Variants in TEAD4 observed in about 807,000 individuals in gnomAD.
TEAD4 encodes transcriptional enhancer factor TEF-3.
Under a neutral mutation model 52.4 loss-of-function variants are expected in TEAD4, and 36 were observed. The observed-to-expected ratio is 0.69, with a 90% CI of 0.53 to 0.91. The LOEUF (loss-of-function observed/expected upper bound fraction) is 0.91. TEAD4 is among the 40% of genes least tolerant of loss of function. The pLI is 0.00. For synonymous variants in TEAD4, 220 were observed against 231.0 expected (o/e 0.95, Z 0.43); for missense variants, 508 against 583.9 (o/e 0.87, Z 1.34).
intron 9 of TEAD4, 128 bp downstream of exon 9, chr12:3,020,901 T>A: frequency 9.6e-7 from 1 of 1,039,318 alleles, no homozygotes; most frequent in Non-Finnish European, 1.3e-6. Flanking sequence ...CGATCTTCCC[T>A]TCTGCCCTTC....
At chr12:3,019,294 C>T (rs1319065394) in intron 8 of TEAD4, 124 bp downstream of exon 8, 6 of 1,077,564 alleles carry the variant, frequency 5.6e-6, no homozygotes, top group African/African-American at 1.5e-5. Context: ...TGCACACTGA[C>T]CACACGTCCT....
intron 5 of TEAD4, among the ~76,000 whole-genome samples, chr12:3,015,517 G>A (rs1023087353): frequency 1.4e-4 from 22 of 152,210 alleles, no homozygotes; most frequent in Middle Eastern, 3.2e-3. Context: ...CCAGGATGGC[G>A]GGGGAGCACT....
At chr12:3,032,363 G>A (rs1421310630) in intron 10 of TEAD4, among the ~76,000 whole-genome samples, 3 of 152,110 alleles carry the variant, frequency 2.0e-5, no homozygotes, top group African/African-American at 4.8e-5. Context: ...CCAGGAGCTC[G>A]CACTCTGGAT....
At chr12:2,971,146 C>T (rs1236577388) in intron 2 of TEAD4, among the ~76,000 whole-genome samples, 1 of 152,168 alleles carries the variant, frequency 6.6e-6, no homozygotes, top group Non-Finnish European at 1.5e-5. Context: ...ATGGAACTTG[C>T]AGGGAAATGG....
chr12:3,020,177 T>A (rs2098267651), intron 8 of TEAD4, among the ~76,000 whole-genome samples: 1 of 152,194 alleles, frequency 6.6e-6, no homozygotes, highest in Non-Finnish European at 1.5e-5. Context: ...CCAGGCCCTG[T>A]TCTGGGAGCG....
intron 5 of TEAD4, among the ~76,000 whole-genome samples, chr12:3,013,016 G>C (rs1429282575): frequency 6.6e-6 from 1 of 152,170 alleles, no homozygotes; most frequent in African/African-American, 2.4e-5. Context: ...CAGTGACGCA[G>C]TCATAGCTCA....
chr12:3,040,319 G>A, intron 12 of TEAD4, 46 bp from the exon 13 acceptor site: 2 of 1,613,968 alleles, frequency 1.2e-6, no homozygotes, highest in South Asian at 2.2e-5. Context: ...GCCATGGCAT[G>A]CCCCTTCTGG....
chr12:2,977,721 G>A (rs922740253), intron 2 of TEAD4, among the ~76,000 whole-genome samples: 2 of 152,186 alleles, frequency 1.3e-5, no homozygotes, highest in South Asian at 2.1e-4. Flanking sequence ...ACTCTGAGGC[G>A]TCTTTAACAT....
chr12:3,003,045 C>A lies in TEAD4; in HGVS notation c.227-7959C>A, dbSNP rs1369547924. Among the ~76,000 whole-genome samples, 3 of 152,348 alleles carry A rather than the reference C, an allele frequency of 2.0e-5. No homozygotes were observed. The East Asian group carries it at 5.8e-4, about 29-fold the overall frequency. On this transcript the variant is annotated intron_variant, in intron 3 of 12. Coordinates refer to ENST00000359864, the MANE Select transcript of TEAD4 (RefSeq NM_003213.4). ...TAGCTGCACCCCCAACACACACACC[C>A]TGGCCCCCGCTTCCAGGCCATTGGG...
intron 3 of TEAD4, among the ~76,000 whole-genome samples, chr12:2,998,329 G>T (rs1318525269): frequency 2.0e-5 from 3 of 152,028 alleles, no homozygotes; most frequent in Non-Finnish European, 4.4e-5. Flanking sequence ...AGATACTGGG[G>T]TTAAGAGACC....
intron 2 of TEAD4, among the ~76,000 whole-genome samples, chr12:2,971,814 C>A (rs949616019): frequency 9.1e-6 from 1 of 110,442 alleles, no homozygotes; most frequent in East Asian, 2.6e-4. Context: ...TTCTTTCTTT[C>A]TTTTTTTTTT....
intron 10 of TEAD4, among the ~76,000 whole-genome samples, chr12:3,033,363 G>A (rs1313293341): frequency 3.3e-5 from 5 of 152,226 alleles, no homozygotes; most frequent in South Asian, 4.1e-4. Flanking sequence ...GGCCTGGAGC[G>A]AGGGACTGAT....
intron 2 of TEAD4, among the ~76,000 whole-genome samples, chr12:2,988,396 A>G (rs1350653044): frequency 2.7e-5 from 4 of 148,364 alleles, no homozygotes; most frequent in Non-Finnish European, 3.0e-5. Context: ...GCGGGTGCCT[A>G]TAATCCCAGC....
chr12:3,012,018 G>A, intron 4 of TEAD4, 152 bp from the exon 5 acceptor site: 1 of 725,140 alleles, frequency 1.4e-6, no homozygotes, highest in South Asian at 1.9e-5. Context: ...GGCAAGGCAG[G>A]ACTGAGGGCC....
chr12:2,994,730 C>T lies in TEAD4; in HGVS notation c.-29-8C>T, dbSNP rs1321960486. On this transcript the variant is annotated splice_region_variant and splice_polypyrimidine_tract_variant and intron_variant, in intron 2 of 12. Coordinates refer to ENST00000359864, the MANE Select transcript of TEAD4 (RefSeq NM_003213.4). This position sits in a 1 kb window ranked among gnomAD's most constrained non-coding sequence, Gnocchi z 4.7. ...TGCTCACCGGGGCTGTGGTTCCTGT[C>T]CCCACAGGTCCAACGAGCGCTCCTC... 3 of 1,560,990 alleles carry T rather than the reference C, an allele frequency of 1.9e-6. No individual in the cohort carries two copies. Among genetic ancestry groups the T allele is most frequent in the Non-Finnish European group, 2.6e-6 (3 of 1,153,950 alleles).
intron 2 of TEAD4, among the ~76,000 whole-genome samples, chr12:2,968,866 G>C (rs1342795482): frequency 6.6e-6 from 1 of 152,070 alleles, no homozygotes; most frequent in Non-Finnish European, 1.5e-5. Context: ...ATTTTGCCCA[G>C]GCTGGTCTTA....
intron 11 of TEAD4, among the ~76,000 whole-genome samples, chr12:3,038,336 G>A (rs180710877): frequency 2.0e-5 from 3 of 152,190 alleles, no homozygotes; most frequent in Non-Finnish European, 4.4e-5. Context: ...TTCCAAGCAC[G>A]TCCTTGCAGG....
intron 8 of TEAD4, among the ~76,000 whole-genome samples, chr12:3,019,806 G>C (rs1263552570): frequency 6.6e-6 from 1 of 152,142 alleles, no homozygotes; most frequent in East Asian, 1.9e-4. Flanking sequence ...CAGCCCTGCT[G>C]CCTTCTGTCC....
In TEAD4 at chr12:3,040,554, C is replaced by T; in HGVS notation, c.*76C>T. 7.4e-7 allele frequency: 1 copy of T among 1,343,326 alleles called. No homozygotes were observed. Among genetic ancestry groups the T allele is most frequent in the Non-Finnish European group, 1.1e-6 (1 of 952,192 alleles). 83.2% of individuals were successfully genotyped at this position (1,343,326 alleles called of 1,614,324 possible). On this transcript the variant is annotated 3_prime_UTR_variant, in exon 13 of 13. Transcript: ENST00000359864. ...GACGTGGGGAGGGGACCTGCAGGGG[C>T]AGCCCCCTGAAGTGCCAAGAGAGCT...
Sources: gnomAD v4.1 joint callset for allele counts (sites outside exome capture counted in the v4.1 genomes callset) on GRCh38, gnomAD v4.1.1 for gene constraint, Gnocchi (gnomAD v3.1) non-coding constraint, MANE v1.5 for transcripts, NCBI Gene and HGNC (gene_info 2026-07-23, HGNC 2026-07-21) for gene names.